Variants in PCDHGA3 observed in about 807,000 individuals in gnomAD.
The protein encoded by PCDHGA3 is protocadherin gamma subfamily A, 3.
PCDHGA3 carries 40 observed loss-of-function variants against 58.5 expected under a neutral mutation model. The observed-to-expected ratio is 0.68, with a 90% confidence interval of 0.53 to 0.89. The LOEUF (loss-of-function observed/expected upper bound fraction) is 0.89, where lower values mean the gene tolerates loss of function less well. PCDHGA3 is among the 40% of genes least tolerant of loss of function. The pLI is 0.00. For synonymous variants in PCDHGA3, 530 were observed against 525.7 expected (o/e 1.01, Z -0.11); for missense variants, 1,223 against 1,195.9 (o/e 1.02, Z -0.33).
Position 141,410,173 on chromosome 5 carries a change from C to G in PCDHGA3, c.2424+63716C>G, listed in dbSNP as rs544938164. ...GTGGACAGCCGCCACTCTCTGCCACCGCCACGCTTCATCTGGTCTTCGCAG... is the reference window on the plus strand; with the variant it reads ...GTGGACAGCCGCCACTCTCTGCCACGGCCACGCTTCATCTGGTCTTCGCAG... On this transcript the variant is annotated intron_variant, in intron 1 of 3. Coordinates refer to ENST00000253812, the MANE Select transcript of PCDHGA3 (RefSeq NM_018916.4). The G allele has an allele frequency of 6.2e-6, 10 of 1,613,842 alleles. No individual in the cohort carries two copies. The African/African-American group carries it at 9.3e-5, about 15-fold the overall frequency.
chr5:141,373,239 T>C (rs1466756322), intron 1 of PCDHGA3, among the ~76,000 whole-genome samples: 1 of 152,238 alleles, frequency 6.6e-6, no homozygotes, highest in Non-Finnish European at 1.5e-5. Flanking sequence ...ATATTTTTAC[T>C]TCCCTTTGCA....
intron 1 of PCDHGA3, chr5:141,374,535 G>A (rs752542327): frequency 1.9e-6 from 3 of 1,613,092 alleles, no homozygotes; most frequent in South Asian, 2.2e-5. Flanking sequence ...CCATCCTCTC[G>A]TTTTCCACTA....
intron 1 of PCDHGA3, chr5:141,376,138 C>G (rs1234340396): frequency 1.2e-6 from 2 of 1,613,948 alleles, no homozygotes; most frequent in South Asian, 2.2e-5. Context: ...CCAAACCCAA[C>G]GATTCGGACC....
chr5:141,363,061 A>G (rs1240861333), intron 1 of PCDHGA3, among the ~76,000 whole-genome samples: 2 of 152,256 alleles, frequency 1.3e-5, no homozygotes, highest in Admixed American at 6.5e-5. Context: ...CAGTAAGCTA[A>G]ATGTCTTGGA....
rs1032445242 is a variant in PCDHGA3 at position 141,487,571 on chromosome 5, G to C, written c.2425-7236G>C. The C allele has an allele frequency of 6.2e-7, 1 of 1,614,060 alleles. No homozygotes were observed. The highest frequency in any genetic ancestry group is 8.5e-7 in the Non-Finnish European group (1 of 1,180,046). ...CAGTGCACCTATGGCAGGGGAGCCTGTTCGCCCAAGCTGCCCACCCTCTGA... is the reference window on the plus strand; with the variant it reads ...CAGTGCACCTATGGCAGGGGAGCCTCTTCGCCCAAGCTGCCCACCCTCTGA... On this transcript the variant is annotated intron_variant, in intron 1 of 3. Transcript: ENST00000253812. This position sits in a 1 kb window ranked among gnomAD's most constrained non-coding sequence, Gnocchi z 5.0.
rs754747902 is a variant in PCDHGA3 at position 141,417,898 on chromosome 5, G to T, written c.2424+71441G>T. The T allele has an allele frequency of 5.5e-5, 87 of 1,579,262 alleles. 1 individual carries two copies. The South Asian group carries it at 7.8e-4, about 14-fold the overall frequency. The stretch of plus-strand genomic sequence containing the variant: ...GCGCGCAGAGGCGCCGGGCCGGCCC[G>T]CGGCAGGTACTATTTCCTTTGCTGC... On this transcript the variant is annotated intron_variant, in intron 1 of 3. Coordinates refer to ENST00000253812, the MANE Select transcript of PCDHGA3 (RefSeq NM_018916.4).
At chr5:141,474,241 G>A (rs1367530484) in intron 1 of PCDHGA3, among the ~76,000 whole-genome samples, 8 of 151,928 alleles carry the variant, frequency 5.3e-5, no homozygotes, top group East Asian at 1.9e-4. Context: ...TGCTGAATAG[G>A]GGAAAAAAAG....
chr5:141,368,326 T>A (rs1444418576), intron 1 of PCDHGA3, among the ~76,000 whole-genome samples: 3 of 152,122 alleles, frequency 2.0e-5, no homozygotes, highest in Non-Finnish European at 2.9e-5. Context: ...TTCAAGTATA[T>A]CTATATCTAT....
At chr5:141,501,516 C>T (rs763346187) in intron 2 of PCDHGA3, among the ~76,000 whole-genome samples, 1 of 152,010 alleles carries the variant, frequency 6.6e-6, no homozygotes, top group African/African-American at 2.4e-5. Context: ...GGCCTCCAAG[C>T]TGAAGCCCAG....
chr5:141,351,016 A>C, intron 1 of PCDHGA3: 1 of 1,614,078 alleles, frequency 6.2e-7, no homozygotes, highest in Non-Finnish European at 8.5e-7. Context: ...AAGAAAACGT[A>C]CCGTGGGGAA....
chr5:141,502,516 A>G (rs947349505), intron 2 of PCDHGA3, among the ~76,000 whole-genome samples: 1 of 152,146 alleles, frequency 6.6e-6, no homozygotes, highest in African/African-American at 2.4e-5. Flanking sequence ...TCCCACTATC[A>G]GTGATGCCGA....
chr5:141,409,360 A>G (rs746614262), intron 1 of PCDHGA3: 2 of 1,614,014 alleles, frequency 1.2e-6, no homozygotes, highest in Admixed American at 3.3e-5. Flanking sequence ...GGTGTAATAT[A>G]GAAACAGACA....
chr5:141,399,991 G>A (rs1226741326), intron 1 of PCDHGA3: 1 of 1,612,422 alleles, frequency 6.2e-7, no homozygotes. Context: ...CACAGGAGAG[G>A]TGCGCACAGC....
intron 1 of PCDHGA3, chr5:141,408,105 G>T (rs566753835): frequency 2.6e-5 from 37 of 1,439,788 alleles, no homozygotes; most frequent in Non-Finnish European, 3.2e-5. Flanking sequence ...TCCGAGACCC[G>T]GGACTCCTCC....
At chr5:141,422,280 C>G (rs748287385) in intron 1 of PCDHGA3, 9 of 1,557,754 alleles carry the variant, frequency 5.8e-6, no homozygotes, top group Non-Finnish European at 7.8e-6. Flanking sequence ...TAACTATCAC[C>G]TCTTCTATTA....
At chr5:141,366,497 C>G in intron 1 of PCDHGA3, 1 of 1,614,254 alleles carries the variant, frequency 6.2e-7, no homozygotes, top group South Asian at 1.1e-5. Context: ...GCACAAGTCA[C>G]GCCTGCTTCA....
Position 141,431,442 on chromosome 5 carries a change from T to G in PCDHGA3, c.2425-63365T>G. 6.2e-7 allele frequency: 1 copy of G among 1,613,746 alleles called. No individual in the cohort carries two copies. The highest frequency in any genetic ancestry group is 1.7e-5 in the Admixed American group (1 of 60,014). The stretch of plus-strand genomic sequence containing the variant: ...CCGGTGCGCACAGGCACCGCGCGCA[T>G]CCGCGTGATGGTTCTGGATGCGAAC... On this transcript the variant is annotated intron_variant, in intron 1 of 3. Coordinates refer to ENST00000253812, the MANE Select transcript of PCDHGA3 (RefSeq NM_018916.4). This position sits in a 1 kb window ranked among gnomAD's most constrained non-coding sequence, Gnocchi z 4.8.
chr5:141,509,810 G>T (rs1272295976), intron 3 of PCDHGA3, among the ~76,000 whole-genome samples: 1 of 152,154 alleles, frequency 6.6e-6, no homozygotes, highest in East Asian at 1.9e-4. Flanking sequence ...ATAGAGCCGA[G>T]CTCTTCTCCA....
Position 141,431,359 on chromosome 5 carries a change from G to A in PCDHGA3, c.2425-63448G>A. 1 of 1,614,024 alleles carries A rather than the reference G, an allele frequency of 6.2e-7. No homozygotes were observed. The highest frequency in any genetic ancestry group is 8.5e-7 in the Non-Finnish European group (1 of 1,180,030). On this transcript the variant is annotated intron_variant, in intron 1 of 3. Transcript: ENST00000253812. This position sits in a 1 kb window ranked among gnomAD's most constrained non-coding sequence, Gnocchi z 4.8. ...CCGAATTGGTGCTGAAACGCGCCCTGGACCGCGAAGAAAAGGCTGCTCACC... is the reference window on the plus strand; with the variant it reads ...CCGAATTGGTGCTGAAACGCGCCCTAGACCGCGAAGAAAAGGCTGCTCACC...
Sources: gnomAD v4.1 joint callset for allele counts (sites outside exome capture counted in the v4.1 genomes callset) on GRCh38, gnomAD v4.1.1 for gene constraint, Gnocchi (gnomAD v3.1) non-coding constraint, MANE v1.5 for transcripts, NCBI Gene and HGNC (gene_info 2026-07-23, HGNC 2026-07-21) for gene names.